Variants in PIK3C2G observed in about 807,000 individuals in gnomAD.
The protein encoded by PIK3C2G is phosphatidylinositol-4-phosphate 3-kinase catalytic subunit type 2 gamma, also known as phosphatidylinositol 3-kinase C2 domain-containing subunit gamma.
Under a neutral mutation model 181.1 loss-of-function variants are expected in PIK3C2G, and 168 were observed. The observed-to-expected ratio is 0.93, with a 90% CI of 0.82 to 1.05. PIK3C2G has a LOEUF of 1.05. Ranked by LOEUF, PIK3C2G falls within the 50% of genes least tolerant of loss-of-function variation. PIK3C2G has a pLI of 0.00. For missense variants in PIK3C2G, 1,869 were observed against 1,732.8 expected, an observed-to-expected ratio of 1.08 and a Z score of -1.40; for synonymous variants, 573 against 592.2, an observed-to-expected ratio of 0.97 and a Z score of 0.47.
intron 26 of PIK3C2G, among the ~76,000 whole-genome samples, chr12:18,559,827 G>T (rs1386288721): frequency 6.8e-3 from 296 of 43,356 alleles, no homozygotes; most frequent in East Asian, 0.015. Context: ...TATATAGAGA[G>T]AGAGAGAGAG....
intron 29 of PIK3C2G, among the ~76,000 whole-genome samples, chr12:18,581,540 C>A (rs1044026499): frequency 6.6e-6 from 1 of 152,214 alleles, no homozygotes; most frequent in Non-Finnish European, 1.5e-5. Context: ...AGGATGATTG[C>A]CAACCACTAA....
intron 3 of PIK3C2G, 85 bp from the exon 4 acceptor site, chr12:18,290,770 C>A (rs1949657071): frequency 2.3e-6 from 2 of 860,552 alleles, no homozygotes; most frequent in East Asian, 5.2e-5. Flanking sequence ...CATGAAGTTT[C>A]TTAAAATTAC....
intron 24 of PIK3C2G, among the ~76,000 whole-genome samples, chr12:18,520,269 G>C (rs539842642): frequency 2.0e-5 from 3 of 152,042 alleles, no homozygotes; most frequent in South Asian, 4.1e-4. Context: ...GGCCTGTCTT[G>C]CTAGGTTGGG....
At chr12:18,317,708 C>T (rs966828985) in intron 6 of PIK3C2G, among the ~76,000 whole-genome samples, 5 of 152,214 alleles carry the variant, frequency 3.3e-5, no homozygotes, top group South Asian at 2.1e-4. Context: ...TAGCTCTGAT[C>T]GTTAGAAACG....
intron 30 of PIK3C2G, among the ~76,000 whole-genome samples, chr12:18,599,399 C>CA (rs557460792): frequency 0.016 from 2,381 of 150,384 alleles, 65 homozygotes; most frequent in African/African-American, 0.055. Flanking sequence ...ATCGCAAGAG[C>CA]AAAAAACCAA....
chr12:18,712,972 C>A, the PIK3C2G span: 3 of 1,613,878 alleles, frequency 1.9e-6, no homozygotes, highest in Admixed American at 3.3e-5. Flanking sequence ...ACAACGGCAT[C>A]CTTTCACAAG....
intron 24 of PIK3C2G, among the ~76,000 whole-genome samples, chr12:18,534,286 T>A (rs753775833): frequency 3.3e-5 from 5 of 152,088 alleles, no homozygotes; most frequent in Non-Finnish European, 7.4e-5. Flanking sequence ...TTTATTTGTC[T>A]GCTTAATAAT....
upstream of PIK3C2G, among the ~76,000 whole-genome samples, chr12:18,259,404 C>G (rs917389183): frequency 9.2e-5 from 14 of 152,026 alleles, no homozygotes; most frequent in African/African-American, 3.1e-4. Flanking sequence ...TAAGTTCTAC[C>G]TACTGGCAGA....
the PIK3C2G span, chr12:18,683,543 C>A: frequency 6.7e-7 from 1 of 1,502,894 alleles, no homozygotes. Flanking sequence ...ACAGCTCATA[C>A]TTCTCCTTCC....
intron 9 of PIK3C2G, 40 bp from the exon 10 acceptor site, chr12:18,343,287 G>C (rs181244082): frequency 1.8e-6 from 2 of 1,090,982 alleles, no homozygotes; most frequent in Admixed American, 2.3e-5. Context: ...TTGTGAATTT[G>C]TTGTGCGAAT....
intron 18 of PIK3C2G, among the ~76,000 whole-genome samples, chr12:18,472,849 G>C (rs529448370): frequency 6.6e-6 from 1 of 151,882 alleles, no homozygotes; most frequent in Non-Finnish European, 1.5e-5. Flanking sequence ...ACAGGCACCC[G>C]CCACCACGCC....
intron 15 of PIK3C2G, 83 bp downstream of exon 15, chr12:18,391,335 A>G: frequency 9.9e-7 from 1 of 1,005,136 alleles, no homozygotes; most frequent in Non-Finnish European, 1.4e-6. Flanking sequence ...ATAGCTTCAA[A>G]GAGTGAGTGT....
intron 1 of PIK3C2G, among the ~76,000 whole-genome samples, chr12:18,268,011 A>T (rs1948580879): frequency 6.6e-6 from 1 of 152,186 alleles, no homozygotes; most frequent in Non-Finnish European, 1.5e-5. Flanking sequence ...CAACAGATCA[A>T]CCTTTTTAGG....
At chr12:18,510,315 C>G (rs936697466) in intron 24 of PIK3C2G, among the ~76,000 whole-genome samples, 2 of 152,146 alleles carry the variant, frequency 1.3e-5, no homozygotes, top group East Asian at 1.9e-4. Flanking sequence ...AAGTGGCCAA[C>G]AAATTGTGCA....
intron 8 of PIK3C2G, among the ~76,000 whole-genome samples, chr12:18,329,955 T>A (rs1413787736): frequency 1.3e-5 from 2 of 152,114 alleles, no homozygotes; most frequent in Non-Finnish European, 2.9e-5. Context: ...TTACCTTTTT[T>A]AAAAATGTAC....
chr12:18,711,947 T>C, the PIK3C2G span, among the ~76,000 whole-genome samples: 1 of 152,158 alleles, frequency 6.6e-6, no homozygotes, highest in Non-Finnish European at 1.5e-5. Flanking sequence ...ATCTTTGAAA[T>C]ATTTATTTTG....
chr12:18,249,474 A>G (rs1203013812), intron 1 of PIK3C2G, among the ~76,000 whole-genome samples: 1 of 152,074 alleles, frequency 6.6e-6, no homozygotes, highest in African/African-American at 2.4e-5. Flanking sequence ...CATCCTACTC[A>G]TGGTCCTCCT....
chr12:18,600,041 A>T (rs558322085), intron 30 of PIK3C2G, among the ~76,000 whole-genome samples: 6 of 152,006 alleles, frequency 3.9e-5, no homozygotes, highest in Admixed American at 1.3e-4. Context: ...AAATGGAAAA[A>T]CCTAAGTAGA....
chr12:18,683,119 A>G, the PIK3C2G span: 3 of 867,808 alleles, frequency 3.5e-6, no homozygotes, highest in South Asian at 3.2e-5. Context: ...AATGGGCTCA[A>G]TATTTCTAGT....
Sources: gnomAD v4.1 joint callset for allele counts (sites outside exome capture counted in the v4.1 genomes callset) on GRCh38, gnomAD v4.1.1 for gene constraint, MANE v1.5 for transcripts, NCBI Gene and HGNC (gene_info 2026-07-23, HGNC 2026-07-21) for gene names.